The following PLAT variants were observed in gnomAD, a reference collection of about 807,000 sequenced individuals.
The protein encoded by PLAT is tissue-type plasminogen activator.
PLAT carries 48 observed loss-of-function variants against 74.9 expected under a neutral mutation model. That is an observed-to-expected ratio of 0.64 (90% CI 0.51 to 0.82). The LOEUF is 0.82. Among genes scored for constraint, PLAT ranks in the 40% least tolerant of loss-of-function variants. The pLI is 0.00. For missense variants in PLAT, 673 were observed against 736.2 expected, an observed-to-expected ratio of 0.91 and a Z score of 0.99; for synonymous variants, 307 against 294.4, an observed-to-expected ratio of 1.04 and a Z score of -0.44.
intron 7 of PLAT, among the ~76,000 whole-genome samples, chr8:42,184,035 G>A (rs1339188105): frequency 6.6e-6 from 1 of 151,734 alleles, no homozygotes; most frequent in Non-Finnish European, 1.5e-5. Flanking sequence ...CAACCTCCTG[G>A]GCTCAAGCGA....
rs1179484435 is a variant in PLAT, at chr8:42,176,137, G to C, written c.1545C>G (p.Gly515=). ...GGCCATCGTTCAGACACACCAGGGG[G>C]CCTCCCGAATCGCCCTGCAAAGGAG... is the stretch of plus-strand genomic sequence containing the variant. ...LHDACQGDSG[G]PLVCLNDGRM... is the part of the protein sequence containing the mutation. The change falls in exon 14 of 14, where the codon GGC becomes GGG. Residue 515 remains glycine, a synonymous_variant. Transcript: ENST00000220809. 12 of 1,613,460 alleles carry C rather than the reference G, an allele frequency of 7.4e-6. No homozygotes were observed. In the East Asian group the frequency reaches 2.0e-4, roughly 27 times the overall value.
At position 42,185,069 on chromosome 8, in the gene PLAT, G is replaced by A; in HGVS notation, c.631+12C>T. On this transcript the variant is annotated intron_variant, in intron 7 of 13. Coordinates refer to ENST00000220809, the MANE Select transcript of PLAT (RefSeq NM_000930.5). ...GGGACATTCAGGGAAAGGCGGGGTG[G>A]CTGCCACTTACCCTCAGAGCAGGCA... is the stretch of plus-strand genomic sequence containing the variant. 1 of 1,570,530 alleles carries A rather than the reference G, an allele frequency of 6.4e-7. No homozygotes were observed.
chr8:42,177,656 T>A (rs1805023239), intron 13 of PLAT, among the ~76,000 whole-genome samples: 1 of 152,236 alleles, frequency 6.6e-6, no homozygotes, highest in Admixed American at 6.5e-5. Flanking sequence ...TGGTAATTGT[T>A]AGCTGTTCTT....
intron 7 of PLAT, 198 bp downstream of exon 7, chr8:42,184,883 T>A (rs529599731): frequency 2.2e-6 from 1 of 461,834 alleles, no homozygotes; most frequent in East Asian, 3.4e-5. Flanking sequence ...GGAGATCAGC[T>A]CCAGGTCAGA....
At chr8:42,196,935 G>A (rs1278521562) in intron 1 of PLAT, among the ~76,000 whole-genome samples, 2 of 152,048 alleles carry the variant, frequency 1.3e-5, no homozygotes, top group East Asian at 3.9e-4. Context: ...AGAAAGGAAG[G>A]CCCCAAGGTT....
At chr8:42,188,279 GA>G in intron 4 of PLAT, 1 of 398,216 alleles carries the variant, frequency 2.5e-6, no homozygotes, top group Non-Finnish European at 4.5e-6. Flanking sequence ...AGGATGATGT[GA>G]GTTAAAATAT....
rs1028724051 is a variant in PLAT, at chr8:42,175,677, C to G, written c.*316G>C. ...TCCAAAGCTGCTCACGGTGACAGGTCAGGAGGTTGGGCTTTAGCTGAAAAC... is the reference window on the plus strand; with the variant it reads ...TCCAAAGCTGCTCACGGTGACAGGTGAGGAGGTTGGGCTTTAGCTGAAAAC... On this transcript the variant is annotated 3_prime_UTR_variant, in exon 14 of 14. Transcript: ENST00000220809. The G allele has an allele frequency of 3.6e-6, 1 of 278,438 alleles. No individual in the cohort carries two copies. The highest frequency in any genetic ancestry group is 2.1e-5 in the African/African-American group (1 of 46,960). 17.2% of individuals were successfully genotyped at this position (278,438 alleles called of 1,614,324 possible). A position where few individuals can be genotyped will look rare whatever the true frequency, so the allele number is the denominator to read the frequency against.
chr8:42,180,750 G>A (rs972618742), intron 9 of PLAT, 65 bp from the exon 10 acceptor site: 2 of 1,235,374 alleles, frequency 1.6e-6, no homozygotes, highest in Non-Finnish European at 2.3e-6. Context: ...TAGGTAGAGT[G>A]AGGAGGCCAT....
intron 8 of PLAT, chr8:42,182,388 T>TTTTTTTTTTTTTTTTTGAGACGG: frequency 3.9e-6 from 1 of 258,728 alleles, no homozygotes; most frequent in Admixed American, 5.4e-5. Flanking sequence ...TGTAGTGTTC[T>TTTTTTTTTTTTTTTTTGAGACGG]AATCTCATAG....
chr8:42,201,130 A>G (rs1587945691), intron 1 of PLAT, among the ~76,000 whole-genome samples: 1 of 152,202 alleles, frequency 6.6e-6, no homozygotes, highest in South Asian at 2.1e-4. Context: ...ACGCCTGGCC[A>G]TAACGTTCTT....
rs182346431 is a variant in PLAT at position 42,179,309 on chromosome 8, G to C, written c.1364-246C>G. ...TCGGACCAGGGAGGTCCCTGTTGTG[G>C]GGGATGGGGACAGTCCCGAGCCCTG... On this transcript the variant is annotated intron_variant, in intron 12 of 13. Transcript: ENST00000220809. Among the ~76,000 whole-genome samples, 6 of 152,258 alleles carry C rather than the reference G, an allele frequency of 3.9e-5. No homozygotes were observed. In the East Asian group the frequency reaches 1.2e-3, roughly 29 times the overall value.
At chr8:42,190,561 A>G (rs1805644599) in intron 3 of PLAT, among the ~76,000 whole-genome samples, 1 of 152,184 alleles carries the variant, frequency 6.6e-6, no homozygotes, top group Admixed American at 6.5e-5. Context: ...GAGGTCACTG[A>G]GGCCAGGATA....
In PLAT at chr8:42,185,124, C is replaced by G; in HGVS notation, c.588G>C (p.Gly196=). The change falls in exon 7 of 14, where the codon GGG becomes GGC. Residue 196 remains glycine, a synonymous_variant. Transcript: ENST00000220809. The part of the protein sequence containing the change: ...SKPWCYVFKA[G]KYSSEFCSTP... ...TGCTGCAGAACTCTGAGCTGTACTT[C>G]CCCGCCTTAAAGACGTAGCACCAGG... 4 of 1,612,384 alleles carry G rather than the reference C, an allele frequency of 2.5e-6. No homozygotes were observed. Among genetic ancestry groups the G allele is most frequent in the Non-Finnish European group, 3.4e-6 (4 of 1,179,360 alleles).
In PLAT at chr8:42,175,802, C is replaced by T. The variant is rs775278234; in HGVS notation, c.*191G>A. 1.6e-4 allele frequency: 92 copies of T among 562,716 alleles called. No homozygotes were observed. The highest frequency in any genetic ancestry group is 2.7e-4 in the Non-Finnish European group (83 of 312,596). 34.9% of individuals were successfully genotyped at this position (562,716 alleles called of 1,614,324 possible). On this transcript the variant is annotated 3_prime_UTR_variant, in exon 14 of 14. Coordinates refer to ENST00000220809, the MANE Select transcript of PLAT (RefSeq NM_000930.5). The stretch of plus-strand genomic sequence containing the variant: ...CTGACAGAGTATCCTGAAATCAGAC[C>T]AAGTCCTGAAAACTTCCAAAATGGG...
chr8:42,181,657 T>C (rs1160934826), intron 9 of PLAT, among the ~76,000 whole-genome samples: 1 of 152,162 alleles, frequency 6.6e-6, no homozygotes. Context: ...GCAACACCAA[T>C]AGAGGCGTCT....
Position 42,185,122 on chromosome 8 carries a change from T to A in PLAT, c.590A>T (p.Lys197Met). The A allele has an allele frequency of 6.2e-7, 1 of 1,612,470 alleles. No homozygotes were observed. The highest frequency in any genetic ancestry group is 1.1e-5 in the South Asian group (1 of 90,850). Residue 197 changes from lysine (K) to methionine (M), a missense_variant, in exon 7 of 14, where the codon AAG (lysine) becomes ATG (methionine). Transcript: ENST00000220809. Reference sequence around the variant, plus strand: ...GGTGCTGCAGAACTCTGAGCTGTACTTCCCCGCCTTAAAGACGTAGCACCA... The same window carrying A: ...GGTGCTGCAGAACTCTGAGCTGTACATCCCCGCCTTAAAGACGTAGCACCA... Reference protein sequence around the residue: ...KPWCYVFKAGKYSSEFCSTPA... With the variant: ...KPWCYVFKAGMYSSEFCSTPA...
At chr8:42,195,437 A>G (rs922357504) in intron 1 of PLAT, among the ~76,000 whole-genome samples, 4 of 152,166 alleles carry the variant, frequency 2.6e-5, no homozygotes, top group Admixed American at 2.6e-4. Flanking sequence ...CACCTGTCCC[A>G]TCAGGAGGGA....
chr8:42,193,915 C>T (rs371852220), intron 1 of PLAT, among the ~76,000 whole-genome samples: 18 of 151,998 alleles, frequency 1.2e-4, no homozygotes, highest in African/African-American at 3.4e-4. Context: ...GGGGTTTCAC[C>T]GTGTTAGCCA....
At chr8:42,203,998 C>T (rs905687916) in intron 1 of PLAT, among the ~76,000 whole-genome samples, 3,888 of 122,450 alleles carry the variant, frequency 0.032, 112 homozygotes, top group African/African-American at 0.084. Context: ...TATATACACA[C>T]ACACACACAC....
Sources: gnomAD v4.1 joint callset for allele counts (sites outside exome capture counted in the v4.1 genomes callset) on GRCh38, gnomAD v4.1.1 for gene constraint, MANE v1.5 for transcripts, NCBI Gene and HGNC (gene_info 2026-07-23, HGNC 2026-07-21) for gene names.